Variants in BICRA observed in about 807,000 individuals in gnomAD.
BICRA encodes BRD4-interacting chromatin-remodeling complex-associated protein.
BICRA carries 31 observed loss-of-function variants against 96.9 expected under a neutral mutation model. The ratio of observed to expected loss-of-function variants is 0.32; its 90% CI spans 0.24 to 0.43. The LOEUF is 0.43. BICRA is among the 20% of genes least tolerant of loss of function. The pLI is 1.00. For synonymous variants in BICRA, 1,350 were observed against 1,071.8 expected (o/e 1.26, Z -5.07); for missense variants, 2,283 against 2,190.3 (o/e 1.04, Z -0.84).
chr19:47,659,666 A>G (rs1310264834), intron 1 of BICRA, among the ~76,000 whole-genome samples: 2 of 149,326 alleles, frequency 1.3e-5, no homozygotes, highest in African/African-American at 4.9e-5. Flanking sequence ...CAACCTGTGC[A>G]GCTGTACATG....
chr19:47,609,089 G>GGCCC (rs1311198495), upstream of BICRA: 2 of 148,192 alleles, frequency 1.3e-5, no homozygotes, highest in African/African-American at 4.9e-5. Context: ...CCGGCCGGCC[G>GGCCC]GCCCCTTCTG....
At chr19:47,689,434 TGA>T (rs1334702774) in intron 7 of BICRA, among the ~76,000 whole-genome samples, 1 of 151,892 alleles carries the variant, frequency 6.6e-6, no homozygotes, top group Non-Finnish European at 1.5e-5. Flanking sequence ...TTTCTGAGAC[TGA>T]GTCTCTCTCT....
Position 47,701,788 on chromosome 19 carries a change from ACCG to A in BICRA, c.4062_4064del (p.Pro1355del), listed in dbSNP as rs750154247. 1 of 1,530,300 alleles carries A rather than the reference ACCG, an allele frequency of 6.5e-7. No individual in the cohort carries two copies. The highest frequency in any genetic ancestry group is 1.4e-5 in the African/African-American group (1 of 70,338). The allele number at this position is 1,530,300 out of a possible 1,614,324, so 94.8% of individuals were successfully genotyped here. A position where few individuals can be genotyped will look rare whatever the true frequency, so the allele number is the denominator to read the frequency against. ...AGCCCCCGCCACGGCCGCCACCACC[ACCG>A]CCGCCCACGGGCCAGATGAACGGCA... On this transcript the variant is annotated inframe_deletion, in exon 15 of 15. Coordinates refer to ENST00000594866, the MANE Select transcript of BICRA (RefSeq NM_001394372.1). The surrounding 1 kb of genome is among the most constrained non-coding windows in gnomAD (Gnocchi z 5.4).
chr19:47,624,122 A>T (rs1972105513), intron 1 of BICRA, among the ~76,000 whole-genome samples: 2 of 152,114 alleles, frequency 1.3e-5, no homozygotes, highest in African/African-American at 4.8e-5. Flanking sequence ...AAGTGCTGGG[A>T]TTACAGGCGT....
intron 7 of BICRA, among the ~76,000 whole-genome samples, chr19:47,683,888 T>G (rs1477524677): frequency 6.6e-6 from 1 of 152,170 alleles, no homozygotes; most frequent in African/African-American, 2.4e-5. Context: ...CTGGCCTACC[T>G]TCTTATTCTA....
intron 1 of BICRA, among the ~76,000 whole-genome samples, chr19:47,632,835 T>C (rs1042275511): frequency 3.9e-5 from 6 of 152,094 alleles, no homozygotes; most frequent in African/African-American, 1.4e-4. Context: ...GTTTAAGGCC[T>C]GTGTCAGAAG....
chr19:47,661,185 G>A (rs1972698450), intron 1 of BICRA, among the ~76,000 whole-genome samples: 1 of 127,860 alleles, frequency 7.8e-6, no homozygotes, highest in Non-Finnish European at 1.6e-5. Context: ...CTGCACACCA[G>A]CCTGGGTGAC....
At chr19:47,692,380 C>A (rs1000836358) in intron 7 of BICRA, among the ~76,000 whole-genome samples, 10 of 152,152 alleles carry the variant, frequency 6.6e-5, no homozygotes, top group Admixed American at 5.9e-4. Context: ...GTGCATGCCA[C>A]CATGCCCGGC....
chr19:47,681,138 C>A lies in BICRA; in HGVS notation c.1968C>A (p.Ala656=), dbSNP rs576832933. 1.1e-5 allele frequency: 17 copies of A among 1,509,530 alleles called. No homozygotes were observed. The East Asian group carries it at 2.2e-4, about 20-fold the overall frequency. 93.5% of individuals were successfully genotyped at this position (1,509,530 alleles called of 1,614,324 possible). The change falls in exon 6 of 15, where the codon GCC becomes GCA. Residue 656 remains alanine, a synonymous_variant. Transcript: ENST00000594866. ...QPPQAPTPQA[A]APPQATTPQP... is the part of the protein sequence containing the mutation. ...CGCAGGCCCCCACCCCACAGGCCGC[C>A]GCCCCGCCTCAGGCCACCACCCCCC... is the stretch of plus-strand genomic sequence containing the variant.
chr19:47,643,254 A>ACC (rs1334882065), intron 1 of BICRA, among the ~76,000 whole-genome samples: 3 of 152,228 alleles, frequency 2.0e-5, no homozygotes, highest in Admixed American at 2.0e-4. Context: ...ACAGGCATGA[A>ACC]CCACTGTGCC....
intron 1 of BICRA, chr19:47,616,126 C>T (rs1971980933): frequency 1.3e-5 from 2 of 152,396 alleles, no homozygotes; most frequent in African/African-American, 4.8e-5. Context: ...TACCGTGCCT[C>T]AGTTTCCCCA....
At chr19:47,643,842 C>G (rs1034554949) in intron 1 of BICRA, among the ~76,000 whole-genome samples, 2 of 152,100 alleles carry the variant, frequency 1.3e-5, no homozygotes, top group Admixed American at 6.6e-5. Flanking sequence ...GCGAGACTAC[C>G]ACATGCGTGT....
Position 47,680,278 on chromosome 19 carries a change from C to A in BICRA, c.1108C>A (p.Pro370Thr). 2 of 1,558,980 alleles carry A rather than the reference C, an allele frequency of 1.3e-6. No individual in the cohort carries two copies. Among genetic ancestry groups the A allele is most frequent in the Non-Finnish European group, 1.7e-6 (2 of 1,161,310 alleles). ...PPKLYQLTPK[P>T]FAPAGATLTI... ...CAAGCTCTACCAGCTGACGCCCAAG[C>A]CGTTTGCGCCCGCGGGCGCCACGCT... The change falls in exon 6 of 15, where the codon CCG becomes ACG. Residue 370 changes from proline to threonine, a missense_variant. Transcript: ENST00000594866.
intron 9 of BICRA, 23 bp from the exon 10 acceptor site, chr19:47,695,342 T>TCCCG: frequency 3.2e-6 from 2 of 630,200 alleles, no homozygotes; most frequent in South Asian, 1.9e-5. Flanking sequence ...AGGCCCTGTC[T>TCCCG]CCCCCACCCC....
intron 7 of BICRA, among the ~76,000 whole-genome samples, chr19:47,684,299 C>T (rs939447882): frequency 6.6e-6 from 1 of 152,140 alleles, no homozygotes; most frequent in African/African-American, 2.4e-5. Flanking sequence ...TCTCCTGCCT[C>T]AGCTTCTGGG....
At chr19:47,622,541 G>A (rs1458568035) in intron 1 of BICRA, among the ~76,000 whole-genome samples, 15 of 149,918 alleles carry the variant, frequency 1.0e-4, no homozygotes, top group East Asian at 8.1e-4. Context: ...TGGCTAATGC[G>A]GTGAAACCCT....
intron 1 of BICRA, among the ~76,000 whole-genome samples, chr19:47,610,287 G>T (rs1240860664): frequency 1.3e-5 from 2 of 152,216 alleles, no homozygotes; most frequent in African/African-American, 4.8e-5. Context: ...ACGGGCGGCC[G>T]CGGGGAGACG....
intron 1 of BICRA, among the ~76,000 whole-genome samples, chr19:47,666,128 CAG>C (rs1972775195): frequency 6.6e-6 from 1 of 152,198 alleles, no homozygotes; most frequent in South Asian, 2.1e-4. Context: ...AACGGAGGCA[CAG>C]AGGGGATAAG....
intron 1 of BICRA, among the ~76,000 whole-genome samples, chr19:47,652,778 C>T (rs924131575): frequency 1.3e-5 from 2 of 152,156 alleles, no homozygotes; most frequent in African/African-American, 2.4e-5. Flanking sequence ...GGAACACCTC[C>T]TATTCCTGTT....
Sources: allele counts gnomAD v4.1 joint callset (sites outside exome capture counted in the v4.1 genomes callset), GRCh38; gene constraint gnomAD v4.1.1; non-coding constraint Gnocchi (gnomAD v3.1); transcripts MANE v1.5; gene names NCBI Gene and HGNC (gene_info 2026-07-23, HGNC 2026-07-21).